PPFIBP2: variants seen among roughly 807,000 people sequenced by gnomAD.
The protein encoded by PPFIBP2 is PPFIB scaffold protein 2.
Under a neutral mutation model 118.3 loss-of-function variants are expected in PPFIBP2, and 118 were observed. The ratio of observed to expected loss-of-function variants is 1.00; its 90% CI spans 0.86 to 1.16. PPFIBP2 has a LOEUF of 1.16. PPFIBP2 is among the 50% of genes most tolerant of loss of function. The pLI is 0.00. For synonymous variants in PPFIBP2, 414 were observed against 397.4 expected (o/e 1.04, Z -0.50); for missense variants, 1,195 against 1,073.1 (o/e 1.11, Z -1.59).
intron 1 of PPFIBP2, among the ~76,000 whole-genome samples, chr11:7,545,054 T>G (rs1852192088): frequency 6.6e-6 from 1 of 152,152 alleles, no homozygotes; most frequent in Non-Finnish European, 1.5e-5. Context: ...TGTGATACTA[T>G]GATATACAGT....
At chr11:7,577,352 T>TA (rs1491378281) in intron 3 of PPFIBP2, 4 of 316,848 alleles carry the variant, frequency 1.3e-5, no homozygotes, top group South Asian at 2.5e-5. Flanking sequence ...TGTGTGTGTG[T>TA]TTGTTGGGGT....
intron 5 of PPFIBP2, chr11:7,606,016 G>A (rs1847296976): frequency 2.5e-5 from 39 of 1,534,222 alleles, no homozygotes; most frequent in Non-Finnish European, 3.1e-5. Context: ...TGCGCCTAAA[G>A]TAGGTAGAAA....
intron 11 of PPFIBP2, 88 bp downstream of exon 11, chr11:7,631,116 C>T (rs774584552): frequency 8.4e-6 from 8 of 954,594 alleles, no homozygotes; most frequent in Non-Finnish European, 1.4e-5. Context: ...AGACACGTGT[C>T]AGGTGCACAT....
chr11:7,594,779 T>C (rs1859961508), intron 4 of PPFIBP2, among the ~76,000 whole-genome samples: 1 of 151,862 alleles, frequency 6.6e-6, no homozygotes, highest in Admixed American at 6.6e-5. Context: ...AAGCCAGGCA[T>C]GGTGATGGGT....
At position 7,641,467 on chromosome 11, in the gene PPFIBP2, T is replaced by C. The variant is rs748895552; in HGVS notation, c.1376-12T>C. ...CCTTACATTCACATTCATTGCCTTC[T>C]TCCAATCTCAGGAGACACAGAAAGT... On this transcript the variant is annotated splice_polypyrimidine_tract_variant and intron_variant, in intron 15 of 23. Transcript: ENST00000299492. 1.2e-6 allele frequency: 2 copies of C among 1,613,776 alleles called. No homozygotes were observed. The highest frequency in any genetic ancestry group is 2.7e-5 in the African/African-American group (2 of 75,020).
chr11:7,653,736 A>G lies in PPFIBP2; in HGVS notation c.*518A>G. On this transcript the variant is annotated 3_prime_UTR_variant, in exon 24 of 24. Coordinates refer to ENST00000299492, the MANE Select transcript of PPFIBP2 (RefSeq NM_003621.5). ...AGGTGGTCTCTTCTTTCTTGTAATA[A>G]AAGCAATATTTATGCGGAAAGCAAG... 1 of 1,224,728 alleles carries G rather than the reference A, an allele frequency of 8.2e-7. No individual in the cohort carries two copies. Among genetic ancestry groups the G allele is most frequent in the African/African-American group, 1.6e-5 (1 of 63,344 alleles). 75.9% of individuals were successfully genotyped at this position (1,224,728 alleles called of 1,614,324 possible).
intron 3 of PPFIBP2, among the ~76,000 whole-genome samples, chr11:7,582,716 G>GA (rs57245348): frequency 0.015 from 1,928 of 126,836 alleles, 36 homozygotes; most frequent in African/African-American, 0.041. Context: ...AATGTCATAG[G>GA]AAAAAAAAAA....
chr11:7,540,514 A>G (rs1362103648), intron 1 of PPFIBP2, among the ~76,000 whole-genome samples: 1 of 152,144 alleles, frequency 6.6e-6, no homozygotes, highest in Non-Finnish European at 1.5e-5. Flanking sequence ...GTGAGAATAT[A>G]GAGAGGGAGG....
downstream of PPFIBP2, among the ~76,000 whole-genome samples, chr11:7,656,145 G>A (rs915436070): frequency 1.3e-5 from 2 of 152,164 alleles, no homozygotes; most frequent in African/African-American, 4.8e-5. Flanking sequence ...TCCTTGCCAG[G>A]CTTATAGGCA....
At chr11:7,537,962 T>C (rs1277394579) in intron 1 of PPFIBP2, among the ~76,000 whole-genome samples, 1 of 152,046 alleles carries the variant, frequency 6.6e-6, no homozygotes, top group Non-Finnish European at 1.5e-5. Context: ...GTGCTTGAGT[T>C]GGGAAAAGGA....
chr11:7,526,536 C>T (rs1031759790), intron 1 of PPFIBP2, among the ~76,000 whole-genome samples: 3 of 152,094 alleles, frequency 2.0e-5, no homozygotes, highest in African/African-American at 7.2e-5. Context: ...CAGATGTAGG[C>T]TGGAGTGAGG....
intron 3 of PPFIBP2, among the ~76,000 whole-genome samples, chr11:7,592,260 C>G (rs998488189): frequency 2.6e-5 from 4 of 152,142 alleles, no homozygotes; most frequent in African/African-American, 7.2e-5. Flanking sequence ...GACATTAGCT[C>G]CTTCTCTCCT....
chr11:7,660,488 G>C (rs1300090614), downstream of PPFIBP2, among the ~76,000 whole-genome samples: 1 of 148,862 alleles, frequency 6.7e-6, no homozygotes, highest in East Asian at 1.9e-4. Flanking sequence ...TGCATCCCAG[G>C]GATGAAGCCC....
Position 7,597,644 on chromosome 11 carries a change from C to G in PPFIBP2, c.457C>G (p.Leu153Val). 6.2e-7 allele frequency: 1 copy of G among 1,614,088 alleles called. No individual in the cohort carries two copies. Among genetic ancestry groups the G allele is most frequent in the Non-Finnish European group, 8.5e-7 (1 of 1,180,004 alleles). The stretch of plus-strand genomic sequence containing the variant: ...GTGTCTGGAAGGACACCAGGTGAAA[C>G]TCAATGCTGCTGAAGAGATGCTTCA... ...EVCLEGHQVK[L>V]NAAEEMLQQE... is the part of the protein sequence containing the mutation. Residue 153 changes from leucine to valine, a missense_variant, in exon 5 of 24, where the codon CTC becomes GTC. Physicochemically the swap from Leu to Val is conservative, Grantham distance 32. Coordinates refer to ENST00000299492, the MANE Select transcript of PPFIBP2 (RefSeq NM_003621.5).
At chr11:7,597,784 G>A in intron 5 of PPFIBP2, 111 bp downstream of exon 5, 2 of 894,594 alleles carry the variant, frequency 2.2e-6, no homozygotes, top group Non-Finnish European at 3.5e-6. Context: ...TCCTGCCTGG[G>A]GGCGGGATTG....
At chr11:7,613,810 G>A (rs901667371) in intron 6 of PPFIBP2, among the ~76,000 whole-genome samples, 1 of 152,202 alleles carries the variant, frequency 6.6e-6, no homozygotes, top group Non-Finnish European at 1.5e-5. Context: ...TCTGTGAATA[G>A]CTATCAGAGC....
intron 3 of PPFIBP2, among the ~76,000 whole-genome samples, chr11:7,587,576 G>A (rs1238772365): frequency 2.0e-5 from 3 of 152,228 alleles, no homozygotes; most frequent in Non-Finnish European, 4.4e-5. Flanking sequence ...TTTAGGCAGC[G>A]TGCACCGGGG....
At chr11:7,627,675 C>A (rs1385493530) in intron 8 of PPFIBP2, among the ~76,000 whole-genome samples, 1 of 152,158 alleles carries the variant, frequency 6.6e-6, no homozygotes. Context: ...ATTTCTCAGC[C>A]CATAGGGAAA....
intron 3 of PPFIBP2, among the ~76,000 whole-genome samples, chr11:7,586,224 T>C (rs1172249116): frequency 6.6e-6 from 1 of 152,204 alleles, no homozygotes; most frequent in African/African-American, 2.4e-5. Context: ...CAGATCTTCA[T>C]AGATATTTCT....
Sources: allele counts gnomAD v4.1 joint callset (sites outside exome capture counted in the v4.1 genomes callset), GRCh38; gene constraint gnomAD v4.1.1; transcripts MANE v1.5; gene names NCBI Gene and HGNC (gene_info 2026-07-23, HGNC 2026-07-21).